MMS22L: variants seen among roughly 807,000 people sequenced by gnomAD.
The protein encoded by MMS22L is protein MMS22-like.
MMS22L carries 74 observed loss-of-function variants against 159.1 expected under a neutral mutation model. The observed-to-expected ratio is 0.47, with a 90% CI of 0.39 to 0.56. MMS22L has a LOEUF of 0.56. Among genes scored for constraint, MMS22L ranks in the 20% least tolerant of loss-of-function variants. The pLI is 0.00. For missense variants in MMS22L, 1,351 were observed against 1,422.1 expected (o/e 0.95, Z 0.80); for synonymous variants, 517 against 506.9 (o/e 1.02, Z -0.27).
intron 14 of MMS22L, among the ~76,000 whole-genome samples, chr6:97,189,252 T>A (rs1453156584): frequency 8.1e-6 from 1 of 123,456 alleles, no homozygotes; most frequent in African/African-American, 3.5e-5. Flanking sequence ...AAGTTCTGAA[T>A]CCATTAGGTT....
Position 97,282,481 on chromosome 6 carries a change from T to C in MMS22L, c.-4A>G. The C allele has an allele frequency of 6.2e-7, 1 of 1,604,490 alleles. No individual in the cohort carries two copies. The highest frequency in any genetic ancestry group is 8.5e-7 in the Non-Finnish European group (1 of 1,175,874). On this transcript the variant is annotated 5_prime_UTR_variant, in exon 2 of 25. The change abolishes the stop of an existing upstream ORF in the 5' untranslated region. Transcript: ENST00000683635. ...ATGCAGCAGAACAGTTCTCCATTGT[T>C]TACTTCATGTTCTGAAACACTTGGG...
intron 22 of MMS22L, among the ~76,000 whole-genome samples, chr6:97,154,907 CT>C (rs1801674338): frequency 6.6e-6 from 1 of 152,110 alleles, no homozygotes; most frequent in Non-Finnish European, 1.5e-5. Context: ...CAGCTTTCTT[CT>C]TCTTTTTCCA....
At chr6:97,249,436 C>G (rs1813006143) in intron 10 of MMS22L, among the ~76,000 whole-genome samples, 2 of 152,136 alleles carry the variant, frequency 1.3e-5, no homozygotes, top group South Asian at 4.1e-4. Flanking sequence ...GAACCCTGAG[C>G]TTGCAACTGG....
chr6:97,257,266 T>C (rs1471091446), intron 9 of MMS22L, among the ~76,000 whole-genome samples: 2 of 152,224 alleles, frequency 1.3e-5, no homozygotes, highest in Non-Finnish European at 1.5e-5. Flanking sequence ...ATATTATGCA[T>C]AACAGATCTT....
At chr6:97,150,147 G>T in intron 23 of MMS22L, 127 bp from the exon 24 acceptor site, 2 of 644,136 alleles carry the variant, frequency 3.1e-6, no homozygotes, top group Non-Finnish European at 2.5e-6. Context: ...GTAAGAATCT[G>T]GATGCAATAT....
At chr6:97,226,677 T>C (rs1810286905) in intron 14 of MMS22L, among the ~76,000 whole-genome samples, 1 of 151,826 alleles carries the variant, frequency 6.6e-6, no homozygotes, top group Admixed American at 6.6e-5. Flanking sequence ...TATATGTATA[T>C]ATATAAAAAT....
At chr6:97,215,939 C>T (rs561325742) in intron 14 of MMS22L, among the ~76,000 whole-genome samples, 1 of 151,640 alleles carries the variant, frequency 6.6e-6, no homozygotes, top group Admixed American at 6.6e-5. Context: ...CAAGAGATAC[C>T]CTAAAGAGAG....
chr6:97,164,616 T>A (rs183422051), intron 21 of MMS22L, among the ~76,000 whole-genome samples: 2 of 152,078 alleles, frequency 1.3e-5, no homozygotes, highest in East Asian at 3.9e-4. Flanking sequence ...AAAATATAAT[T>A]ACTGTATTTT....
Position 97,144,025 on chromosome 6 carries a change from G to C in MMS22L, c.*2781C>G, listed in dbSNP as rs1227469716. ...GTGAACCCGGGAGGCAGAGCTTGCA[G>C]TGAGCCGAGATCGTGCCACTGCACT... is the stretch of plus-strand genomic sequence containing the variant. On this transcript the variant is annotated 3_prime_UTR_variant, in exon 25 of 25. Coordinates refer to ENST00000683635, the MANE Select transcript of MMS22L (RefSeq NM_001350599.2). 6.7e-6 allele frequency: 1 copy of C among 149,550 alleles called. No individual in the cohort carries two copies. The highest frequency in any genetic ancestry group is 1.5e-5 in the Non-Finnish European group (1 of 67,732). The allele number at this position is 149,550 out of a possible 1,614,324, so 9.3% of individuals were successfully genotyped here.
intron 14 of MMS22L, among the ~76,000 whole-genome samples, chr6:97,221,386 A>G (rs1809631400): frequency 6.6e-6 from 1 of 152,134 alleles, no homozygotes; most frequent in Non-Finnish European, 1.5e-5. Flanking sequence ...ATGTTTCAGC[A>G]AAACACAAAA....
At position 97,231,639 on chromosome 6, in the gene MMS22L, C is replaced by A. The variant is rs751405022; in HGVS notation, c.1316G>T (p.Ser439Ile). The change falls in exon 13 of 25, where the codon AGT becomes ATT. Residue 439 changes from serine to isoleucine, a missense_variant. Transcript: ENST00000683635. ...YYSKNLNSSF[S>I]ISWLPFKGLA... ...GCCTTTAAAAGGAAGCCAAGAAATACTGAAGGAACTATTCTAAAAGGGGGG... is the reference window on the plus strand; with the variant it reads ...GCCTTTAAAAGGAAGCCAAGAAATAATGAAGGAACTATTCTAAAAGGGGGG... 1 of 1,602,294 alleles carries A rather than the reference C, an allele frequency of 6.2e-7. No individual in the cohort carries two copies. Among genetic ancestry groups the A allele is most frequent in the Non-Finnish European group, 8.5e-7 (1 of 1,173,662 alleles).
Position 97,144,707 on chromosome 6 carries a change from T to C in MMS22L, c.*2099A>G, listed in dbSNP as rs1430370813. ...CTGGGAATGAAAGAGGGCAAGATTG[T>C]AGTAATAAGTGAAGGATCAGTGAAG... is the stretch of plus-strand genomic sequence containing the variant. On this transcript the variant is annotated 3_prime_UTR_variant, in exon 25 of 25. Transcript: ENST00000683635. The C allele has an allele frequency of 6.6e-6, 1 of 151,970 alleles. No homozygotes were observed. The highest frequency in any genetic ancestry group is 6.6e-5 in the Admixed American group (1 of 15,248). The allele number at this position is 151,970 out of a possible 1,614,324, so 9.4% of individuals were successfully genotyped here.
At chr6:97,181,854 A>G in intron 16 of MMS22L, 50 bp downstream of exon 16, 1 of 1,563,636 alleles carries the variant, frequency 6.4e-7, no homozygotes, top group African/African-American at 1.4e-5. Flanking sequence ...TAGGATACTG[A>G]TCTGTCACAG....
chr6:97,167,772 CTCTTA>C (rs1207572006), intron 20 of MMS22L, among the ~76,000 whole-genome samples: 3 of 151,906 alleles, frequency 2.0e-5, no homozygotes, highest in African/African-American at 4.8e-5. Flanking sequence ...ACAGTGTATT[CTCTTA>C]TATCTCCTCA....
intron 6 of MMS22L, chr6:97,271,519 C>T (rs982673218): frequency 1.3e-5 from 2 of 152,174 alleles, no homozygotes; most frequent in African/African-American, 2.4e-5. Flanking sequence ...TATTAAATGA[C>T]GTAATTAAAA....
chr6:97,235,447 C>A (rs113705630), intron 11 of MMS22L, among the ~76,000 whole-genome samples: 322 of 152,262 alleles, frequency 2.1e-3, no homozygotes, highest in Non-Finnish European at 3.7e-3. Context: ...GGATCCATAA[C>A]TGAGAGCCAT....
rs1233219469 is a variant in MMS22L, at chr6:97,267,940, G to T, written c.760C>A (p.Leu254Ile). Residue 254 changes from leucine to isoleucine, a missense_variant, in exon 8 of 25, where the codon CTA (leucine) becomes ATA (isoleucine). Physicochemically the swap from Leu to Ile is conservative, Grantham distance 5. Transcript: ENST00000683635. ...LASDNLTNIS[L>I]FEEHCETLLC... ...AGAGTTTCACAATGTTCTTCAAATA[G>T]GCTGATGTTGGTTAAATTGTCACTT... 1 of 1,608,662 alleles carries T rather than the reference G, an allele frequency of 6.2e-7. No individual in the cohort carries two copies. The highest frequency in any genetic ancestry group is 8.5e-7 in the Non-Finnish European group (1 of 1,178,062).
chr6:97,190,214 T>C (rs1805724356), intron 14 of MMS22L, among the ~76,000 whole-genome samples: 1 of 152,224 alleles, frequency 6.6e-6, no homozygotes, highest in Admixed American at 6.5e-5. Context: ...TAAAATATTA[T>C]AAAGAATGTA....
At chr6:97,233,471 T>C (rs919258649) in intron 12 of MMS22L, among the ~76,000 whole-genome samples, 8 of 152,166 alleles carry the variant, frequency 5.3e-5, no homozygotes, top group Non-Finnish European at 8.8e-5. Context: ...TCCCACAATG[T>C]ATGTATACCC....
Sources: gnomAD v4.1 joint callset for allele counts (sites outside exome capture counted in the v4.1 genomes callset) on GRCh38, gnomAD v4.1.1 for gene constraint, MANE v1.5 for transcripts, NCBI Gene and HGNC (gene_info 2026-07-23, HGNC 2026-07-21) for gene names.